Variants in MAGI2 observed in about 807,000 individuals in gnomAD.
MAGI2 encodes the protein membrane-associated guanylate kinase, WW and PDZ domain-containing protein 2.
Under a neutral mutation model 133.3 loss-of-function variants are expected in MAGI2, and 35 were observed. The observed-to-expected ratio is 0.26, with a 90% CI of 0.20 to 0.35. MAGI2 has a LOEUF of 0.35. Among genes scored for constraint, MAGI2 ranks in the 10% least tolerant of loss-of-function variants. The pLI, the probability that MAGI2 is intolerant of heterozygous loss-of-function variation, is 1.00. For synonymous variants in MAGI2, 729 were observed against 710.6 expected, an observed-to-expected ratio of 1.03 and a Z score of -0.41; for missense variants, 1,636 against 1,863.4, an observed-to-expected ratio of 0.88 and a Z score of 2.25.
chr7:78,760,897 A>T (rs930851375), intron 2 of MAGI2, among the ~76,000 whole-genome samples: 11 of 152,092 alleles, frequency 7.2e-5, no homozygotes, highest in African/African-American at 2.7e-4. Flanking sequence ...TTACCTCTCT[A>T]CTCTCACCAA....
chr7:79,070,196 G>C (rs991535594), intron 1 of MAGI2, among the ~76,000 whole-genome samples: 1 of 152,136 alleles, frequency 6.6e-6, no homozygotes, highest in Non-Finnish European at 1.5e-5. Flanking sequence ...ATCCTGAAGA[G>C]TGTTTTCCAA....
chr7:78,120,364 C>T (rs1268897005), intron 20 of MAGI2, among the ~76,000 whole-genome samples: 1 of 152,168 alleles, frequency 6.6e-6, no homozygotes, highest in Non-Finnish European at 1.5e-5. Context: ...GATTGTGCCA[C>T]TGCACTCCAG....
chr7:78,283,048 A>AGAT (rs748962371), intron 9 of MAGI2, among the ~76,000 whole-genome samples: 1 of 152,098 alleles, frequency 6.6e-6, no homozygotes, highest in Non-Finnish European at 1.5e-5. Context: ...ATTATTTTAG[A>AGAT]GATGAGGTCT....
chr7:79,169,247 C>T (rs1433486989), intron 1 of MAGI2, among the ~76,000 whole-genome samples: 1 of 151,892 alleles, frequency 6.6e-6, no homozygotes, highest in Non-Finnish European at 1.5e-5. Context: ...ACGGTTGGTA[C>T]TCATTAAATA....
At chr7:78,981,166 G>T (rs6970821) in intron 2 of MAGI2, among the ~76,000 whole-genome samples, 1,703 of 151,236 alleles carry the variant, frequency 0.011, 23 homozygotes, top group African/African-American at 0.036. Flanking sequence ...ATAAATATAA[G>T]AATTATATTT....
intron 2 of MAGI2, among the ~76,000 whole-genome samples, chr7:78,734,049 C>T (rs1419395940): frequency 2.0e-5 from 3 of 152,158 alleles, no homozygotes; most frequent in African/African-American, 7.2e-5. Flanking sequence ...AACCTATTTT[C>T]CTCATATCAT....
At chr7:78,890,190 A>C (rs965726944) in intron 2 of MAGI2, among the ~76,000 whole-genome samples, 3 of 151,890 alleles carry the variant, frequency 2.0e-5, no homozygotes, top group Admixed American at 6.5e-5. Flanking sequence ...TCCTAAATAT[A>C]TTGGCACCCA....
At chr7:78,794,142 GTAA>G (rs1273901308) in intron 2 of MAGI2, among the ~76,000 whole-genome samples, 1 of 152,076 alleles carries the variant, frequency 6.6e-6, no homozygotes, top group East Asian at 1.9e-4. Flanking sequence ...TATCCCTTTG[GTAA>G]TAATAATAAC....
intron 2 of MAGI2, among the ~76,000 whole-genome samples, chr7:78,636,202 G>A (rs1809619194): frequency 6.6e-6 from 1 of 152,092 alleles, no homozygotes; most frequent in Non-Finnish European, 1.5e-5. Context: ...AATATTGGTA[G>A]TTAATTTGAC....
At chr7:78,582,835 C>A (rs1802984937) in intron 3 of MAGI2, among the ~76,000 whole-genome samples, 1 of 152,184 alleles carries the variant, frequency 6.6e-6, no homozygotes, top group South Asian at 2.1e-4. Context: ...ACCCACCTTA[C>A]CTGATTTAAT....
intron 2 of MAGI2, among the ~76,000 whole-genome samples, chr7:78,944,707 C>CTATTTATT (rs56177719): frequency 0.026 from 3,823 of 147,574 alleles, 70 homozygotes; most frequent in African/African-American, 0.05. Flanking sequence ...AAATAGACTA[C>CTATTTATT]TATTTATTTA....
Position 79,246,820 on chromosome 7 carries a change from A to G in MAGI2, c.301+206200T>C, listed in dbSNP as rs562026099. ...AAGAAAGTTATAGAACACTAAGCAG[A>G]TTTAACCCAAATAAGACTACCTCAA... On this transcript the variant is annotated intron_variant, in intron 1 of 21. Transcript: ENST00000354212. Among the ~76,000 whole-genome samples, 4 of 152,328 alleles carry G rather than the reference A, an allele frequency of 2.6e-5. No individual in the cohort carries two copies. The South Asian group carries it at 8.3e-4, about 32-fold the overall frequency.
intron 13 of MAGI2, among the ~76,000 whole-genome samples, chr7:78,185,294 C>G (rs1325545497): frequency 6.6e-6 from 1 of 152,154 alleles, no homozygotes; most frequent in Non-Finnish European, 1.5e-5. Context: ...TTCAAGTGCT[C>G]AATAGCCACA....
At chr7:78,990,005 C>A (rs116372705) in intron 2 of MAGI2, among the ~76,000 whole-genome samples, 1 of 152,040 alleles carries the variant, frequency 6.6e-6, no homozygotes, top group African/African-American at 2.4e-5. Context: ...ACCAAGTGAA[C>A]TTAGATTAAT....
At chr7:78,530,955 C>T (rs774263273) in intron 3 of MAGI2, among the ~76,000 whole-genome samples, 1 of 152,072 alleles carries the variant, frequency 6.6e-6, no homozygotes, top group Non-Finnish European at 1.5e-5. Flanking sequence ...ACTGGAAGAA[C>T]TTATTTTTCA....
intron 1 of MAGI2, among the ~76,000 whole-genome samples, chr7:79,348,958 C>T (rs1216781432): frequency 6.6e-6 from 1 of 151,948 alleles, no homozygotes. Flanking sequence ...CACATCATTA[C>T]TTTTGACAAA....
chr7:78,132,967 G>T lies in MAGI2; in HGVS notation c.3125C>A (p.Pro1042Gln). ...GGGGCTGTTGGGGGTGGCTGGGCTT[G>T]GCTGGGCCAGGGGACTCTGCTGTGC... ...PLAQQSPLAQ[P>Q]SPATPNSPIA... The change falls in exon 18 of 22, where the codon CCA becomes CAA. Residue 1042 changes from proline (P) to glutamine (Q), a missense_variant. Pro to Gln is a moderately conservative substitution (Grantham distance 76). Around this residue, in one of 5 missense-constraint regions of MAGI2, gnomAD observed 920 missense variants for 1,093.5 expected, o/e 0.84. Transcript: ENST00000354212. 1 of 1,613,518 alleles carries T rather than the reference G, an allele frequency of 6.2e-7. No homozygotes were observed. The highest frequency in any genetic ancestry group is 8.5e-7 in the Non-Finnish European group (1 of 1,179,764).
intron 1 of MAGI2, among the ~76,000 whole-genome samples, chr7:79,137,450 G>GTTT (rs376997399): frequency 0.53 from 71,128 of 133,034 alleles, 23,018 homozygotes; most frequent in Non-Finnish European, 0.72. Flanking sequence ...GGTGTTTTTT[G>GTTT]TTTTTTTTTT....
rs1282595266 is a variant in MAGI2, at chr7:78,497,072, GTGGGTCCTTGATAT to G, written c.965+4491_965+4504del. On this transcript the variant is annotated intron_variant, in intron 5 of 21. Transcript: ENST00000354212. Reference sequence around the variant, plus strand: ...GTAACGCGAATACACCCTTAAAAAGGTGGGTCCTTGATATGTAATAACTCATTTGAATTCACATA... The same window carrying G: ...GTAACGCGAATACACCCTTAAAAAGGGTAATAACTCATTTGAATTCACATA... Among the ~76,000 whole-genome samples, 32 of 151,562 alleles carry G rather than the reference GTGGGTCCTTGATAT, an allele frequency of 2.1e-4. No individual in the cohort carries two copies. In the Middle Eastern group the frequency reaches 0.014, roughly 64 times the overall value.
Sources: allele counts gnomAD v4.1 joint callset (sites outside exome capture counted in the v4.1 genomes callset), GRCh38; gene constraint gnomAD v4.1.1; regional missense constraint gnomAD v4.1.1; transcripts MANE v1.5; gene names NCBI Gene and HGNC (gene_info 2026-07-23, HGNC 2026-07-21).